Variants in RAP1A observed in about 807,000 individuals in gnomAD.
RAP1A encodes RAP1A, member of RAS oncogene family, also known as ras-related protein Rap-1A.
RAP1A carries 6 observed loss-of-function variants against 26.4 expected under a neutral mutation model. That is an observed-to-expected ratio of 0.23 (90% CI 0.12 to 0.45). RAP1A has a LOEUF of 0.45. Ranked by LOEUF, RAP1A falls within the 20% of genes least tolerant of loss-of-function variation. The probability of loss-of-function intolerance (pLI) is 0.99; values close to 1 mark genes in which losing one functional copy is unlikely to be tolerated. For synonymous variants in RAP1A, 73 were observed against 79.4 expected (o/e 0.92, Z 0.43); for missense variants, 121 against 217.2 (o/e 0.56, Z 2.78).
rs1268640063 is a variant in RAP1A, at chr1:111,713,800, C to A, written c.*1399C>A. ...AAGACATGGACCCAGGGTGATACTA[C>A]TTATGTAGTCTCTATAAAGAGAGGT... is the stretch of plus-strand genomic sequence containing the variant. On this transcript the variant is annotated 3_prime_UTR_variant, in exon 8 of 8. Coordinates refer to ENST00000369709, the MANE Select transcript of RAP1A (RefSeq NM_002884.4). 1 of 152,054 alleles carries A rather than the reference C, an allele frequency of 6.6e-6. No individual in the cohort carries two copies. Among genetic ancestry groups the A allele is most frequent in the East Asian group, 1.9e-4 (1 of 5,202 alleles). 9.4% of individuals were successfully genotyped at this position (152,054 alleles called of 1,614,324 possible).
intron 1 of RAP1A, among the ~76,000 whole-genome samples, chr1:111,634,511 A>G (rs984390658): frequency 1.3e-5 from 2 of 149,366 alleles, no homozygotes; most frequent in Non-Finnish European, 3.0e-5. Context: ...TATGGGTTAT[A>G]GATATTTTAT....
intron 1 of RAP1A, among the ~76,000 whole-genome samples, chr1:111,653,380 T>C (rs1660338249): frequency 6.6e-6 from 1 of 151,988 alleles, no homozygotes; most frequent in Non-Finnish European, 1.5e-5. Flanking sequence ...ATCCACTGAA[T>C]TGTGTACTTG....
chr1:111,665,158 T>C (rs1464442450), intron 1 of RAP1A, among the ~76,000 whole-genome samples: 1 of 152,194 alleles, frequency 6.6e-6, no homozygotes, highest in East Asian at 1.9e-4. Context: ...GGTTACACGG[T>C]TTTACTTTCC....
chr1:111,636,710 T>C (rs992961956), intron 1 of RAP1A, among the ~76,000 whole-genome samples: 1 of 151,372 alleles, frequency 6.6e-6, no homozygotes, highest in African/African-American at 2.5e-5. Context: ...TCTCCCCACC[T>C]CAGGTGATCC....
intron 1 of RAP1A, among the ~76,000 whole-genome samples, chr1:111,565,502 TAACATATGG>T (rs984630038): frequency 6.6e-6 from 1 of 152,206 alleles, no homozygotes; most frequent in African/African-American, 2.4e-5. Flanking sequence ...ATTCCTGTAG[TAACATATGG>T]AGGGCACCTA....
chr1:111,618,566 A>C (rs1659063851), upstream of RAP1A, among the ~76,000 whole-genome samples: 1 of 152,164 alleles, frequency 6.6e-6, no homozygotes, highest in South Asian at 2.1e-4. Flanking sequence ...TGAATCCCAA[A>C]TGTATCTCTC....
intron 1 of RAP1A, among the ~76,000 whole-genome samples, chr1:111,661,267 G>A (rs1660627505): frequency 6.6e-6 from 1 of 152,134 alleles, no homozygotes; most frequent in Non-Finnish European, 1.5e-5. Context: ...GTCACTAAGT[G>A]ATTAAATTTG....
chr1:111,700,963 T>G (rs1557897834), intron 4 of RAP1A, among the ~76,000 whole-genome samples: 1 of 152,196 alleles, frequency 6.6e-6, no homozygotes, highest in Admixed American at 6.5e-5. Flanking sequence ...AGCTGGATTA[T>G]TTCAATAACC....
At chr1:111,648,344 T>C (rs1660144625) in intron 1 of RAP1A, 1 of 714,110 alleles carries the variant, frequency 1.4e-6, no homozygotes, top group African/African-American at 1.8e-5. Context: ...ATCCACTATC[T>C]GGTGGATGGT....
intron 1 of RAP1A, chr1:111,686,753 A>G (rs1447589253): frequency 6.6e-6 from 1 of 151,596 alleles, no homozygotes; most frequent in African/African-American, 2.4e-5. Context: ...AAAGTTTGAG[A>G]ACTGGACTAA....
intron 1 of RAP1A, among the ~76,000 whole-genome samples, chr1:111,583,663 C>CA (rs1003816632): frequency 2.7e-5 from 4 of 150,578 alleles, no homozygotes; most frequent in Admixed American, 2.6e-4. Flanking sequence ...ATCTGAATTG[C>CA]AAAAAAAAGC....
chr1:111,591,621 C>T (rs1658473074), intron 1 of RAP1A, among the ~76,000 whole-genome samples: 1 of 152,142 alleles, frequency 6.6e-6, no homozygotes, highest in Admixed American at 6.5e-5. Context: ...TATCTGAGCG[C>T]ATGATGTTAT....
At chr1:111,689,365 T>G (rs1381543007) in intron 1 of RAP1A, among the ~76,000 whole-genome samples, 1 of 152,036 alleles carries the variant, frequency 6.6e-6, no homozygotes, top group Non-Finnish European at 1.5e-5. Flanking sequence ...TTTCCTCTTA[T>G]TCTCATCACA....
chr1:111,605,217 A>G (rs951357888), intron 1 of RAP1A, among the ~76,000 whole-genome samples: 4 of 152,210 alleles, frequency 2.6e-5, no homozygotes, highest in Non-Finnish European at 5.9e-5. Flanking sequence ...TGGCAGGATA[A>G]AATTTCCCAA....
At chr1:111,674,558 A>G (rs1398431332) in intron 1 of RAP1A, among the ~76,000 whole-genome samples, 1 of 152,192 alleles carries the variant, frequency 6.6e-6, no homozygotes, top group Non-Finnish European at 1.5e-5. Context: ...GGCTTTTAAA[A>G]TATCTATCAG....
intron 1 of RAP1A, among the ~76,000 whole-genome samples, chr1:111,605,658 G>A (rs1571493415): frequency 6.6e-6 from 1 of 152,196 alleles, no homozygotes; most frequent in Admixed American, 6.5e-5. Flanking sequence ...CACCCAAAAA[G>A]CCAGAAATCC....
chr1:111,564,828 T>C (rs1657878063), intron 1 of RAP1A, among the ~76,000 whole-genome samples: 1 of 151,328 alleles, frequency 6.6e-6, no homozygotes, highest in African/African-American at 2.4e-5. Flanking sequence ...ACCCCAACTC[T>C]TAAAAAAAAA....
intron 1 of RAP1A, among the ~76,000 whole-genome samples, chr1:111,586,204 T>A (rs6661465): frequency 0.44 from 67,532 of 151,940 alleles, 15,298 homozygotes; most frequent in Non-Finnish European, 0.48. Context: ...GTAATTTTTT[T>A]AAAATTTAAA....
At chr1:111,560,835 T>A (rs1657709745) in intron 1 of RAP1A, among the ~76,000 whole-genome samples, 1 of 152,122 alleles carries the variant, frequency 6.6e-6, no homozygotes, top group South Asian at 2.1e-4. Flanking sequence ...GGAAAATGTA[T>A]CCAGCCAATT....
Sources: gnomAD v4.1 joint callset for allele counts (sites outside exome capture counted in the v4.1 genomes callset) on GRCh38, gnomAD v4.1.1 for gene constraint, MANE v1.5 for transcripts, NCBI Gene and HGNC (gene_info 2026-07-23, HGNC 2026-07-21) for gene names.